The following RAB3C variants were observed in gnomAD, a reference collection of about 807,000 sequenced individuals.
RAB3C encodes ras-related protein Rab-3C.
A neutral mutation model predicts 26.4 loss-of-function variants in RAB3C; 17 were observed. That is an observed-to-expected ratio of 0.64 (90% CI 0.44 to 0.97). The LOEUF is 0.97. RAB3C is among the 50% of genes least tolerant of loss of function. RAB3C has a pLI of 0.00. For synonymous variants in RAB3C, 91 were observed against 95.9 expected, an observed-to-expected ratio of 0.95 and a Z score of 0.30; for missense variants, 242 against 281.9, an observed-to-expected ratio of 0.86 and a Z score of 1.01.
At chr5:58,685,536 A>G (rs968191549) in intron 2 of RAB3C, among the ~76,000 whole-genome samples, 6 of 152,172 alleles carry the variant, frequency 3.9e-5, no homozygotes, top group African/African-American at 1.4e-4. Context: ...CTTCTCCCAA[A>G]TAAGACCACA....
rs1746213384 is a variant in RAB3C, at chr5:58,594,827, AATGT to A, written c.24+11598_24+11601del. 3.4e-5 allele frequency among the ~76,000 whole-genome samples: 5 copies of A among 148,810 alleles called. No individual in the cohort carries two copies. The South Asian group carries it at 1.1e-3, about 31-fold the overall frequency. On this transcript the variant is annotated intron_variant, in intron 1 of 4. Transcript: ENST00000282878. ...AATGATGAAAACTTATTGGGAAACA[AATGT>A]ATTAATATTAACATGTAGGCTTTTT...
chr5:58,824,772 G>C (rs1010873258), intron 3 of RAB3C, among the ~76,000 whole-genome samples: 1 of 152,138 alleles, frequency 6.6e-6, no homozygotes, highest in African/African-American at 2.4e-5. Context: ...AGGAAAGGAA[G>C]AATCAGTAGT....
chr5:58,627,354 A>G (rs866145530), intron 2 of RAB3C, among the ~76,000 whole-genome samples: 1 of 87,096 alleles, frequency 1.1e-5, no homozygotes, highest in Non-Finnish European at 2.3e-5. Flanking sequence ...AAACACAGCT[A>G]CTCGGGAGGC....
intron 1 of RAB3C, among the ~76,000 whole-genome samples, chr5:58,611,824 T>C (rs1164004195): frequency 6.6e-6 from 1 of 152,130 alleles, no homozygotes; most frequent in Non-Finnish European, 1.5e-5. Flanking sequence ...ATGTCAATAA[T>C]GGTATTGCCT....
chr5:58,819,989 A>C (rs1050939105), intron 3 of RAB3C, among the ~76,000 whole-genome samples: 1 of 152,330 alleles, frequency 6.6e-6, no homozygotes, highest in East Asian at 1.9e-4. Context: ...AGCTGCTTAT[A>C]TTGCCAAAGT....
chr5:58,765,300 C>T (rs1741876235), intron 3 of RAB3C, among the ~76,000 whole-genome samples: 1 of 152,108 alleles, frequency 6.6e-6, no homozygotes, highest in South Asian at 2.1e-4. Flanking sequence ...TTTCCATTTT[C>T]ACCTCCCTCA....
At chr5:58,815,057 T>C (rs1193223232) in intron 3 of RAB3C, among the ~76,000 whole-genome samples, 1 of 152,178 alleles carries the variant, frequency 6.6e-6, no homozygotes, top group Non-Finnish European at 1.5e-5. Flanking sequence ...TGCTTCCACA[T>C]GCAGCTGAAT....
At chr5:58,838,554 ATACT>A (rs1244473729) in intron 4 of RAB3C, among the ~76,000 whole-genome samples, 1 of 152,158 alleles carries the variant, frequency 6.6e-6, no homozygotes, top group Non-Finnish European at 1.5e-5. Context: ...GTCAGGTAAG[ATACT>A]TAATATAATT....
At chr5:58,839,829 T>A (rs183829744) in intron 4 of RAB3C, among the ~76,000 whole-genome samples, 128 of 152,236 alleles carry the variant, frequency 8.4e-4, no homozygotes, top group Non-Finnish European at 1.2e-3. Flanking sequence ...ATTTCCTTGG[T>A]TTTTGCTTTT....
chr5:58,583,043 A>G (rs965376074), upstream of RAB3C: 43 of 1,454,968 alleles, frequency 3.0e-5, no homozygotes, highest in Admixed American at 7.9e-4. Flanking sequence ...CCTCGGCAGT[A>G]CGCGTGTGCG....
At chr5:58,691,097 T>TAA (rs566480783) in intron 2 of RAB3C, among the ~76,000 whole-genome samples, 1 of 144,678 alleles carries the variant, frequency 6.9e-6, no homozygotes. Flanking sequence ...CAATTTCCAG[T>TAA]AAAAAAAAAA....
intron 3 of RAB3C, among the ~76,000 whole-genome samples, chr5:58,767,765 T>G (rs187600502): frequency 6.6e-6 from 1 of 152,200 alleles, no homozygotes; most frequent in African/African-American, 2.4e-5. Context: ...CCTACTATTA[T>G]GTCACGCATT....
chr5:58,845,965 T>C (rs1743989695), intron 4 of RAB3C, among the ~76,000 whole-genome samples: 1 of 152,092 alleles, frequency 6.6e-6, no homozygotes, highest in South Asian at 2.1e-4. Flanking sequence ...ATATGAGATA[T>C]GGTCCTTTAT....
intron 3 of RAB3C, among the ~76,000 whole-genome samples, chr5:58,789,543 C>G (rs1388152509): frequency 6.6e-6 from 1 of 152,104 alleles, no homozygotes; most frequent in Non-Finnish European, 1.5e-5. Flanking sequence ...ATACTATTCC[C>G]ATTTTTACAA....
chr5:58,747,422 G>A (rs924545511), intron 3 of RAB3C, among the ~76,000 whole-genome samples: 2 of 152,012 alleles, frequency 1.3e-5, no homozygotes, highest in African/African-American at 4.8e-5. Flanking sequence ...TAGGATGTAC[G>A]CAACCGGAGA....
upstream of RAB3C, chr5:58,583,031 C>A (rs17712772): frequency 0.033 from 47,831 of 1,440,306 alleles, 898 homozygotes; most frequent in Middle Eastern, 0.048. Context: ...GTGCACGGGG[C>A]TCCTCGGCAG....
At chr5:58,726,483 C>G (rs1373489768) in intron 3 of RAB3C, among the ~76,000 whole-genome samples, 1 of 151,916 alleles carries the variant, frequency 6.6e-6, no homozygotes, top group African/African-American at 2.4e-5. Context: ...TGCGCCAAAT[C>G]TGGCCCACTG....
intron 3 of RAB3C, among the ~76,000 whole-genome samples, chr5:58,806,402 G>A (rs1398013379): frequency 6.6e-6 from 1 of 152,104 alleles, no homozygotes; most frequent in African/African-American, 2.4e-5. Flanking sequence ...TAGGGTGAGA[G>A]GAGGAAGAAG....
At chr5:58,798,586 A>T (rs1042812463) in intron 3 of RAB3C, among the ~76,000 whole-genome samples, 5 of 152,228 alleles carry the variant, frequency 3.3e-5, no homozygotes, top group Non-Finnish European at 7.3e-5. Flanking sequence ...AACTGATTCA[A>T]ACTTTGTTTC....
Sources: allele counts gnomAD v4.1 joint callset (sites outside exome capture counted in the v4.1 genomes callset), GRCh38; gene constraint gnomAD v4.1.1; transcripts MANE v1.5; gene names NCBI Gene and HGNC (gene_info 2026-07-23, HGNC 2026-07-21).